The following RAB15 variants were observed in gnomAD, a reference collection of about 807,000 sequenced individuals.
The protein encoded by RAB15 is ras-related protein Rab-15.
RAB15 carries 13 observed loss-of-function variants against 31.8 expected under a neutral mutation model. The observed-to-expected ratio is 0.41, with a 90% CI of 0.27 to 0.65. RAB15 has a LOEUF of 0.65. Ranked by LOEUF, RAB15 falls within the 30% of genes least tolerant of loss-of-function variation. The probability of loss-of-function intolerance (pLI) is 0.32; values close to 1 mark genes in which losing one functional copy is unlikely to be tolerated. For synonymous variants in RAB15, 100 were observed against 105.6 expected (o/e 0.95, Z 0.33); for missense variants, 220 against 277.3 (o/e 0.79, Z 1.47).
chr14:64,967,374 T>A (rs1361398768), intron 1 of RAB15, among the ~76,000 whole-genome samples: 1 of 151,994 alleles, frequency 6.6e-6, no homozygotes, highest in Non-Finnish European at 1.5e-5. Context: ...GGATCACGAG[T>A]CCAGGAGTTC....
chr14:64,969,529 G>C (rs1168893205), intron 1 of RAB15, among the ~76,000 whole-genome samples: 2 of 152,202 alleles, frequency 1.3e-5, no homozygotes, highest in Admixed American at 1.3e-4. Flanking sequence ...AGAAAGACAG[G>C]TTTCTTTCTA....
At chr14:64,956,338 G>T (rs1190559841) in intron 1 of RAB15, among the ~76,000 whole-genome samples, 1 of 151,412 alleles carries the variant, frequency 6.6e-6, no homozygotes, top group East Asian at 1.9e-4. Flanking sequence ...TTTAACCCAG[G>T]AGGCAGAGGC....
Position 64,972,040 on chromosome 14 carries a change from G to C in RAB15, c.37C>G (p.Leu13Val). Reference sequence around the variant, plus strand: ...TTGCCCACCCCGGAGTCCCCGATCAGCAGCAGCCGGAACAGCACATCGTAC... The same window carrying C: ...TTGCCCACCCCGGAGTCCCCGATCACCAGCAGCCGGAACAGCACATCGTAC... ...KQYDVLFRLL[L>V]IGDSGVGKTC... The change falls in exon 1 of 7, where the codon CTG (leucine) becomes GTG (valine). Residue 13 changes from leucine (L) to valine (V), a missense_variant. Physicochemically the swap from Leu to Val is conservative, Grantham distance 32. Coordinates refer to ENST00000533601, the MANE Select transcript of RAB15 (RefSeq NM_001308154.2). This position sits in a 1 kb window ranked among gnomAD's most constrained non-coding sequence, Gnocchi z 6.3. 1.2e-6 allele frequency: 2 copies of C among 1,610,870 alleles called. No individual in the cohort carries two copies. The highest frequency in any genetic ancestry group is 2.2e-5 in the South Asian group (2 of 90,566).
In RAB15 at chr14:64,948,942, TC is replaced by T. The variant is rs1325833527; in HGVS notation, c.415-210del. ...CTCCACAAATATGCCTCTCCATTCTTCCAGCTGCCACCCCACGCCTCCCAAC... is the reference window on the plus strand; with the variant it reads ...CTCCACAAATATGCCTCTCCATTCTTCAGCTGCCACCCCACGCCTCCCAAC... On this transcript the variant is annotated intron_variant, in intron 5 of 6. Coordinates refer to ENST00000533601, the MANE Select transcript of RAB15 (RefSeq NM_001308154.2). The surrounding 1 kb of genome is among the most constrained non-coding windows in gnomAD (Gnocchi z 7.0). Among the ~76,000 whole-genome samples the T allele has an allele frequency of 6.6e-6, 1 of 152,106 alleles. No individual in the cohort carries two copies. Among genetic ancestry groups the T allele is most frequent in the Non-Finnish European group, 1.5e-5 (1 of 68,014 alleles).
In RAB15 at chr14:64,954,383, C is replaced by T; in HGVS notation, c.125-1812G>A. The T allele has an allele frequency of 1.1e-5, 11 of 985,406 alleles. No individual in the cohort carries two copies. The highest frequency in any genetic ancestry group is 1.3e-5 in the Non-Finnish European group (11 of 829,906). 61.0% of individuals were successfully genotyped at this position (985,406 alleles called of 1,614,324 possible). A position where few individuals can be genotyped will look rare whatever the true frequency, so the allele number is the denominator to read the frequency against. Reference sequence around the variant, plus strand: ...GAAGGGAATCAAGACATTCTTGTTTCATGATACAGCACCTTCTTCCAAGAA... The same window carrying T: ...GAAGGGAATCAAGACATTCTTGTTTTATGATACAGCACCTTCTTCCAAGAA... On this transcript the variant is annotated intron_variant, in intron 1 of 6. Transcript: ENST00000533601. The surrounding 1 kb of genome is among the most constrained non-coding windows in gnomAD (Gnocchi z 4.3).
chr14:64,960,949 C>T (rs1483166476), intron 1 of RAB15, among the ~76,000 whole-genome samples: 1 of 152,202 alleles, frequency 6.6e-6, no homozygotes, highest in African/African-American at 2.4e-5. Context: ...AGCGGGCCAG[C>T]ACCTCATGGG....
At position 64,970,112 on chromosome 14, in the gene RAB15, C is replaced by G. The variant is rs1887345832; in HGVS notation, c.124+1841G>C. Among the ~76,000 whole-genome samples, 1 of 152,172 alleles carries G rather than the reference C, an allele frequency of 6.6e-6. No individual in the cohort carries two copies. The highest frequency in any genetic ancestry group is 2.4e-5 in the African/African-American group (1 of 41,430). On this transcript the variant is annotated intron_variant, in intron 1 of 6. Coordinates refer to ENST00000533601, the MANE Select transcript of RAB15 (RefSeq NM_001308154.2). The surrounding 1 kb of genome is among the most constrained non-coding windows in gnomAD (Gnocchi z 4.1). ...AGGACTTGGAATGGGACTAGGAGAGCAGGTGCAAACAACAGCTCTTCAGGC... is the reference window on the plus strand; with the variant it reads ...AGGACTTGGAATGGGACTAGGAGAGGAGGTGCAAACAACAGCTCTTCAGGC...
chr14:64,960,060 T>C (rs1020394986), intron 1 of RAB15, among the ~76,000 whole-genome samples: 1 of 152,130 alleles, frequency 6.6e-6, no homozygotes, highest in Non-Finnish European at 1.5e-5. Flanking sequence ...CCCATCCTCT[T>C]CCTGCTGTGA....
At chr14:64,956,494 T>G (rs1039184649) in intron 1 of RAB15, among the ~76,000 whole-genome samples, 1 of 151,706 alleles carries the variant, frequency 6.6e-6, no homozygotes, top group African/African-American at 2.4e-5. Flanking sequence ...ACCTATAGAA[T>G]CAGGCCCTCT....
chr14:64,971,033 A>G lies in RAB15; in HGVS notation c.124+920T>C, dbSNP rs143238339. 1.1e-3 allele frequency among the ~76,000 whole-genome samples: 167 copies of G among 152,278 alleles called. 4 individuals carry two copies. Among genetic ancestry groups the G allele is most frequent in the African/African-American group, 3.7e-3 (153 of 41,566 alleles). On this transcript the variant is annotated intron_variant, in intron 1 of 6. Coordinates refer to ENST00000533601, the MANE Select transcript of RAB15 (RefSeq NM_001308154.2). This position sits in a 1 kb window ranked among gnomAD's most constrained non-coding sequence, Gnocchi z 4.1. ...AGCAGGTGTTTCCAGGGGCCTGGGCAATGCAGAGGCTACTCCAGGGCTGAC... is the reference window on the plus strand; with the variant it reads ...AGCAGGTGTTTCCAGGGGCCTGGGCGATGCAGAGGCTACTCCAGGGCTGAC...
Position 64,952,392 on chromosome 14 carries a change from C to T in RAB15, c.185+119G>A. Reference sequence around the variant, plus strand: ...CTTCTGAGACTTCGCTTCCATCCATCAGAGAGGTGGCCAGTTATCCCAGGT... The same window carrying T: ...CTTCTGAGACTTCGCTTCCATCCATTAGAGAGGTGGCCAGTTATCCCAGGT... On this transcript the variant is annotated intron_variant, in intron 2 of 6. Transcript: ENST00000533601. This position sits in a 1 kb window ranked among gnomAD's most constrained non-coding sequence, Gnocchi z 4.2. 1 of 732,206 alleles carries T rather than the reference C, an allele frequency of 1.4e-6. No homozygotes were observed. Among genetic ancestry groups the T allele is most frequent in the South Asian group, 1.7e-5 (1 of 59,888 alleles). 45.4% of individuals were successfully genotyped at this position (732,206 alleles called of 1,614,324 possible). A position where few individuals can be genotyped will look rare whatever the true frequency, so the allele number is the denominator to read the frequency against.
At position 64,950,505 on chromosome 14, in the gene RAB15, C is replaced by T; in HGVS notation, c.325-91G>A. ...GTCTGCACTGCCTCCAGCCCACCAC[C>T]AATTCCAGAGCCCTAGGGACAGGGT... On this transcript the variant is annotated intron_variant, in intron 4 of 6. Coordinates refer to ENST00000533601, the MANE Select transcript of RAB15 (RefSeq NM_001308154.2). The surrounding 1 kb of genome is among the most constrained non-coding windows in gnomAD (Gnocchi z 5.6). 1 of 1,074,112 alleles carries T rather than the reference C, an allele frequency of 9.3e-7. No individual in the cohort carries two copies. The highest frequency in any genetic ancestry group is 1.4e-6 in the Non-Finnish European group (1 of 696,482). 66.5% of individuals were successfully genotyped at this position (1,074,112 alleles called of 1,614,324 possible).
Position 64,972,098 on chromosome 14 carries a change from G to C in RAB15, c.-22C>G, listed in dbSNP as rs1216037164. 3 of 1,580,328 alleles carry C rather than the reference G, an allele frequency of 1.9e-6. No individual in the cohort carries two copies. The highest frequency in any genetic ancestry group is 1.7e-5 in the Admixed American group (1 of 57,520). On this transcript the variant is annotated 5_prime_UTR_variant, in exon 1 of 7. Coordinates refer to ENST00000533601, the MANE Select transcript of RAB15 (RefSeq NM_001308154.2). This position sits in a 1 kb window ranked among gnomAD's most constrained non-coding sequence, Gnocchi z 6.3. Reference sequence around the variant, plus strand: ...CCATGACTGGGGCCAGCGGGGCCGGGAACTGCGGGCGGGCAGCGGGCTCAG... The same window carrying C: ...CCATGACTGGGGCCAGCGGGGCCGGCAACTGCGGGCGGGCAGCGGGCTCAG...
In RAB15 at chr14:64,953,675, C is replaced by G. The variant is rs1886390123; in HGVS notation, c.125-1104G>C. 2.3e-6 allele frequency: 1 copy of G among 438,456 alleles called. No homozygotes were observed. Among genetic ancestry groups the G allele is most frequent in the Non-Finnish European group, 3.0e-6 (1 of 330,172 alleles). The allele number at this position is 438,456 out of a possible 1,614,324, so 27.2% of individuals were successfully genotyped here. A position where few individuals can be genotyped will look rare whatever the true frequency, so the allele number is the denominator to read the frequency against. ...CAGCCAGCTTGACTCTGAGTGACAA[C>G]AGAGAGATGAGGGAGGTTGTTTTGC... is the stretch of plus-strand genomic sequence containing the variant. On this transcript the variant is annotated intron_variant, in intron 1 of 6. Transcript: ENST00000533601. This position sits in a 1 kb window ranked among gnomAD's most constrained non-coding sequence, Gnocchi z 4.6.
In RAB15 at chr14:64,971,912, C is replaced by T. The variant is rs913579345; in HGVS notation, c.124+41G>A. Reference sequence around the variant, plus strand: ...ACGGGGGCGGCGGGGAAAGGGGCCGCGGGCGGGGAGGGAGGGGCGCCCCGG... The same window carrying T: ...ACGGGGGCGGCGGGGAAAGGGGCCGTGGGCGGGGAGGGAGGGGCGCCCCGG... On this transcript the variant is annotated intron_variant, in intron 1 of 6. Transcript: ENST00000533601. The surrounding 1 kb of genome is among the most constrained non-coding windows in gnomAD (Gnocchi z 4.1). The T allele has an allele frequency of 5.0e-6, 7 of 1,402,936 alleles. No individual in the cohort carries two copies. The highest frequency in any genetic ancestry group is 2.9e-5 in the African/African-American group (2 of 68,214). 86.9% of individuals were successfully genotyped at this position (1,402,936 alleles called of 1,614,324 possible). A position where few individuals can be genotyped will look rare whatever the true frequency, so the allele number is the denominator to read the frequency against.
At position 64,965,916 on chromosome 14, in the gene RAB15, T is replaced by C. The variant is rs796455975; in HGVS notation, c.124+6037A>G. 6.6e-5 allele frequency among the ~76,000 whole-genome samples: 10 copies of C among 152,134 alleles called. 1 individual carries two copies. The highest frequency in any genetic ancestry group is 2.2e-4 in the African/African-American group (9 of 41,490). ...TCAGATATGTTCCTTCCCAAGGTCA[T>C]GTCCTTGGGGAAGGGGTGGGAGGCC... On this transcript the variant is annotated intron_variant, in intron 1 of 6. Coordinates refer to ENST00000533601, the MANE Select transcript of RAB15 (RefSeq NM_001308154.2).
chr14:64,972,180 G>T lies in RAB15; in HGVS notation c.-104C>A. 1 of 985,418 alleles carries T rather than the reference G, an allele frequency of 1.0e-6. No individual in the cohort carries two copies. Among genetic ancestry groups the T allele is most frequent in the Non-Finnish European group, 1.3e-6 (1 of 799,032 alleles). The allele number at this position is 985,418 out of a possible 1,614,324, so 61.0% of individuals were successfully genotyped here. A position where few individuals can be genotyped will look rare whatever the true frequency, so the allele number is the denominator to read the frequency against. ...CCCGCCCGGGGACGCTGCGGGCGGC[G>T]AGGAGGACGCCGGGCCCGGCCCCCG... is the stretch of plus-strand genomic sequence containing the variant. On this transcript the variant is annotated 5_prime_UTR_variant, in exon 1 of 7. Coordinates refer to ENST00000533601, the MANE Select transcript of RAB15 (RefSeq NM_001308154.2). The surrounding 1 kb of genome is among the most constrained non-coding windows in gnomAD (Gnocchi z 6.3).
intron 5 of RAB15, among the ~76,000 whole-genome samples, chr14:64,949,964 G>A (rs909169114): frequency 6.6e-6 from 1 of 152,074 alleles, no homozygotes; most frequent in South Asian, 2.1e-4. Context: ...TTTCTCGACC[G>A]TAACATGGCA....
At position 64,955,892 on chromosome 14, in the gene RAB15, A is replaced by G. The variant is rs981152103; in HGVS notation, c.125-3321T>C. ...AGTGGTTTCACATTCCGGCTCCTCT[A>G]AGGTCATATTTCTCAAACTTCCAGG... On this transcript the variant is annotated intron_variant, in intron 1 of 6. Transcript: ENST00000533601. This position sits in a 1 kb window ranked among gnomAD's most constrained non-coding sequence, Gnocchi z 4.4. Among the ~76,000 whole-genome samples, 1 of 152,182 alleles carries G rather than the reference A, an allele frequency of 6.6e-6. No homozygotes were observed. Among genetic ancestry groups the G allele is most frequent in the Admixed American group, 6.5e-5 (1 of 15,272 alleles).
Sources: gnomAD v4.1 joint callset for allele counts (sites outside exome capture counted in the v4.1 genomes callset) on GRCh38, gnomAD v4.1.1 for gene constraint, Gnocchi (gnomAD v3.1) non-coding constraint, MANE v1.5 for transcripts, NCBI Gene and HGNC (gene_info 2026-07-23, HGNC 2026-07-21) for gene names.